The following PNLIPRP3 variants were observed in gnomAD, a reference collection of about 807,000 sequenced individuals.
PNLIPRP3 encodes the protein pancreatic lipase-related protein 3.
Under a neutral mutation model 52.8 loss-of-function variants are expected in PNLIPRP3, and 58 were observed. The observed-to-expected ratio is 1.10, with a 90% confidence interval of 0.89 to 1.37. PNLIPRP3 has a LOEUF of 1.37. Among genes scored for constraint, PNLIPRP3 ranks in the 40% most tolerant of loss-of-function variants. The probability of loss-of-function intolerance (pLI) is 0.00; values close to 1 mark genes in which losing one functional copy is unlikely to be tolerated. For missense variants in PNLIPRP3, 593 were observed against 561.6 expected, an observed-to-expected ratio of 1.06 and a Z score of -0.57; for synonymous variants, 192 against 185.0, an observed-to-expected ratio of 1.04 and a Z score of -0.31.
chr10:116,441,677 C>T (rs1204098914), intron 2 of PNLIPRP3, among the ~76,000 whole-genome samples: 2 of 152,122 alleles, frequency 1.3e-5, no homozygotes, highest in Admixed American at 6.6e-5. Flanking sequence ...ATCAGAACAT[C>T]GCTTGAGAGC....
chr10:116,468,186 C>A (rs1480421329), intron 8 of PNLIPRP3, among the ~76,000 whole-genome samples: 1 of 144,098 alleles, frequency 6.9e-6, no homozygotes, highest in Non-Finnish European at 1.5e-5. Flanking sequence ...CTTTGTATGT[C>A]TCTTTATGTA....
intron 2 of PNLIPRP3, among the ~76,000 whole-genome samples, chr10:116,440,373 T>C (rs1397416415): frequency 6.6e-6 from 1 of 152,186 alleles, no homozygotes; most frequent in Non-Finnish European, 1.5e-5. Flanking sequence ...CTAAATAATG[T>C]TCTTCACACC....
At chr10:116,449,015 CA>C (rs59582445) in intron 4 of PNLIPRP3, among the ~76,000 whole-genome samples, 1,441 of 134,004 alleles carry the variant, frequency 0.011, 24 homozygotes, top group African/African-American at 0.039. Context: ...GACTCCATCT[CA>C]AAAAAAAAAA....
Position 116,477,338 on chromosome 10 carries a change from A to C in PNLIPRP3, c.*185A>C, listed in dbSNP as rs1846490057. 2.3e-6 allele frequency: 1 copy of C among 441,920 alleles called. No homozygotes were observed. The highest frequency in any genetic ancestry group is 2.1e-5 in the African/African-American group (1 of 48,582). 27.4% of individuals were successfully genotyped at this position (441,920 alleles called of 1,614,324 possible). A position where few individuals can be genotyped will look rare whatever the true frequency, so the allele number is the denominator to read the frequency against. On this transcript the variant is annotated 3_prime_UTR_variant, in exon 12 of 12. Coordinates refer to ENST00000369230, the MANE Select transcript of PNLIPRP3 (RefSeq NM_001011709.3). ...AATGTTCATCTAACTGCACCTTAAA[A>C]ACACACTGAACCCTGGGACAAAAGA... is the stretch of plus-strand genomic sequence containing the variant.
At chr10:116,460,169 C>T (rs147896430) in intron 5 of PNLIPRP3, among the ~76,000 whole-genome samples, 8 of 152,298 alleles carry the variant, frequency 5.3e-5, no homozygotes, top group African/African-American at 9.6e-5. Context: ...TGCCTCTGCA[C>T]GGAGGACACT....
chr10:116,440,108 A>T, intron 2 of PNLIPRP3: 1 of 660,772 alleles, frequency 1.5e-6, no homozygotes, highest in Non-Finnish European at 2.7e-6. Context: ...TATGTAGAAT[A>T]CAAGTATTTG....
At chr10:116,468,546 A>G (rs763838894) in intron 8 of PNLIPRP3, among the ~76,000 whole-genome samples, 4 of 152,204 alleles carry the variant, frequency 2.6e-5, no homozygotes, top group Non-Finnish European at 4.4e-5. Context: ...TTAATGCATA[A>G]TAGCCAATCA....
At chr10:116,465,609 G>C (rs959659073) in intron 7 of PNLIPRP3, among the ~76,000 whole-genome samples, 4 of 152,016 alleles carry the variant, frequency 2.6e-5, no homozygotes, top group Non-Finnish European at 5.9e-5. Context: ...GTTCAGGAAA[G>C]ACCAGGCAAA....
At chr10:116,467,127 T>G (rs1402923115) in intron 8 of PNLIPRP3, among the ~76,000 whole-genome samples, 3 of 152,186 alleles carry the variant, frequency 2.0e-5, no homozygotes, top group Non-Finnish European at 4.4e-5. Flanking sequence ...TGGAGTACCC[T>G]TAGAAGCTAG....
chr10:116,431,454 T>C (rs970409946), intron 1 of PNLIPRP3, among the ~76,000 whole-genome samples: 1 of 126,100 alleles, frequency 7.9e-6, no homozygotes, highest in Non-Finnish European at 1.7e-5. Context: ...AATGTTAGGG[T>C]TTTTTTTATT....
intron 4 of PNLIPRP3, among the ~76,000 whole-genome samples, chr10:116,452,369 G>C (rs531862965): frequency 6.6e-6 from 1 of 152,322 alleles, no homozygotes; most frequent in South Asian, 2.1e-4. Flanking sequence ...CTAGCCATGT[G>C]GCAGACAAAA....
rs773138962 is a variant in PNLIPRP3 at position 116,476,786 on chromosome 10, T to A, written c.1307T>A (p.Met436Lys). 6.2e-7 allele frequency: 1 copy of A among 1,607,496 alleles called. No individual in the cohort carries two copies. Among genetic ancestry groups the A allele is most frequent in the East Asian group, 2.2e-5 (1 of 44,710 alleles). Residue 436 changes from methionine (M) to lysine (K), a missense_variant, in exon 11 of 12, where the codon ATG (methionine) becomes AAG (lysine). Physicochemically the swap from Met to Lys is moderately conservative, Grantham distance 95. Coordinates refer to ENST00000369230, the MANE Select transcript of PNLIPRP3 (RefSeq NM_001011709.3). ...EDSQNKLGAE[M>K]VINTSGKYGY... ...TCTCAGAATAAGTTGGGAGCAGAAATGGTGATAAATACATCTGGGAAATAT... is the reference window on the plus strand; with the variant it reads ...TCTCAGAATAAGTTGGGAGCAGAAAAGGTGATAAATACATCTGGGAAATAT...
At chr10:116,476,473 A>G (rs1265380968) in intron 10 of PNLIPRP3, among the ~76,000 whole-genome samples, 179 bp from the exon 11 acceptor site, 1 of 152,200 alleles carries the variant, frequency 6.6e-6, no homozygotes. Context: ...CCTTCTTTCA[A>G]ACTTCAGAAC....
chr10:116,468,358 A>G (rs4421671), intron 8 of PNLIPRP3, among the ~76,000 whole-genome samples: 10,482 of 152,194 alleles, frequency 0.069, 485 homozygotes, highest in Non-Finnish European at 0.1. Context: ...ACCCAAGGCC[A>G]CCCATGACCA....
intron 2 of PNLIPRP3, among the ~76,000 whole-genome samples, chr10:116,438,049 G>A (rs1462957224): frequency 1.3e-5 from 2 of 152,136 alleles, no homozygotes; most frequent in Admixed American, 1.3e-4. Flanking sequence ...GATTTCACAC[G>A]TAAATGATTG....
intron 8 of PNLIPRP3, among the ~76,000 whole-genome samples, chr10:116,467,430 G>C (rs1467232699): frequency 6.6e-6 from 1 of 152,028 alleles, no homozygotes; most frequent in African/African-American, 2.4e-5. Flanking sequence ...TAAATAGGAT[G>C]TTACAGTAGC....
chr10:116,459,425 G>A (rs932520985), intron 5 of PNLIPRP3, among the ~76,000 whole-genome samples: 1 of 151,988 alleles, frequency 6.6e-6, no homozygotes, highest in Non-Finnish European at 1.5e-5. Context: ...CCCACTCCGG[G>A]ATCCAGCCTC....
In PNLIPRP3 at chr10:116,456,597, C is replaced by T. The variant is rs867879503; in HGVS notation, c.565+767C>T. 2.0e-5 allele frequency among the ~76,000 whole-genome samples: 3 copies of T among 152,196 alleles called. 1 individual carries two copies. The highest frequency in any genetic ancestry group is 4.1e-4 in the South Asian group (2 of 4,830). On this transcript the variant is annotated intron_variant, in intron 5 of 11. Transcript: ENST00000369230. ...ATTTTTAATATTATCCCTGGATATA[C>T]CGTTAAGTCTAAAAATAAGTTGCGG... is the stretch of plus-strand genomic sequence containing the variant.
In PNLIPRP3 at chr10:116,455,689, T is replaced by A. The variant is rs375498674; in HGVS notation, c.457-33T>A. On this transcript the variant is annotated intron_variant, in intron 4 of 11. Transcript: ENST00000369230. ...ATTTAAGCTATTCCACCGCTGTTTT[T>A]AAAATACTTATTCTGTTAAACAATT... 1.6e-4 allele frequency: 240 copies of A among 1,523,266 alleles called. 2 individuals carry two copies. In the Middle Eastern group the frequency reaches 2.7e-3, roughly 17 times the overall value. 94.4% of individuals were successfully genotyped at this position (1,523,266 alleles called of 1,614,324 possible).
Sources: gnomAD v4.1 joint callset for allele counts (sites outside exome capture counted in the v4.1 genomes callset) on GRCh38, gnomAD v4.1.1 for gene constraint, MANE v1.5 for transcripts, NCBI Gene and HGNC (gene_info 2026-07-23, HGNC 2026-07-21) for gene names.